Variants in PIWIL1 observed in about 807,000 individuals in gnomAD.
PIWIL1 encodes the protein piwi like RNA-mediated gene silencing 1.
PIWIL1 carries 73 observed loss-of-function variants against 114.4 expected under a neutral mutation model. That is an observed-to-expected ratio of 0.64 (90% CI 0.53 to 0.78). The LOEUF is 0.78. Among genes scored for constraint, PIWIL1 ranks in the 30% least tolerant of loss-of-function variants. The pLI is 0.00. For synonymous variants in PIWIL1, 375 were observed against 369.0 expected (o/e 1.02, Z -0.19); for missense variants, 723 against 1,063.1 (o/e 0.68, Z 4.45).
At chr12:130,357,172 T>A (rs1298977300) in intron 13 of PIWIL1, 67 bp downstream of exon 13, 3 of 1,264,174 alleles carry the variant, frequency 2.4e-6, no homozygotes, top group Non-Finnish European at 3.4e-6. Context: ...TGGGAACTAT[T>A]AAACATACAA....
At position 130,359,236 on chromosome 12, in the gene PIWIL1, G is replaced by A. The variant is rs138492476; in HGVS notation, c.1665+1683G>A. 1.2e-4 allele frequency among the ~76,000 whole-genome samples: 19 copies of A among 152,232 alleles called. 2 individuals are homozygous for A. The highest frequency in any genetic ancestry group is 5.2e-4 in the Admixed American group (8 of 15,294). On this transcript the variant is annotated intron_variant, in intron 14 of 20. Transcript: ENST00000245255. Reference sequence around the variant, plus strand: ...GCCAGACTCATTGTCAGGGAACTCCGGAGTTGTCCAAGTCTTAATCACATT... The same window carrying A: ...GCCAGACTCATTGTCAGGGAACTCCAGAGTTGTCCAAGTCTTAATCACATT...
At chr12:130,361,987 G>T (rs1205805289) in intron 16 of PIWIL1, among the ~76,000 whole-genome samples, 1 of 152,070 alleles carries the variant, frequency 6.6e-6, no homozygotes, top group Admixed American at 6.6e-5. Context: ...GCTTTTCTTG[G>T]AACTAAGGGA....
the PIWIL1 span, among the ~76,000 whole-genome samples, chr12:130,381,801 C>T: frequency 6.6e-6 from 1 of 152,214 alleles, no homozygotes; most frequent in Non-Finnish European, 1.5e-5. Flanking sequence ...TAATTCACGT[C>T]TTTCCCAGCG....
Position 130,361,282 on chromosome 12 carries a change from A to G in PIWIL1, c.1768A>G (p.Thr590Ala). The change falls in exon 15 of 21, where the codon ACC (threonine) becomes GCC (alanine). Residue 590 changes from threonine (T) to alanine (A), a missense_variant. By Grantham distance (58) the Thr-to-Ala change is moderately conservative. Coordinates refer to ENST00000245255, the MANE Select transcript of PIWIL1 (RefSeq NM_004764.5). ...PTPSQCVVAR[T>A]LGKQQTVMAI... The stretch of plus-strand genomic sequence containing the variant: ...CCCAAGTCAGTGTGTGGTGGCCCGA[A>G]CCTTAGGCAAACAGCAAACTGTCAT... 3.1e-6 allele frequency: 5 copies of G among 1,614,144 alleles called. No individual in the cohort carries two copies. Among genetic ancestry groups the G allele is most frequent in the Non-Finnish European group, 4.2e-6 (5 of 1,180,012 alleles).
At chr12:130,412,600 A>G in the PIWIL1 span, 1 of 1,610,644 alleles carries the variant, frequency 6.2e-7, no homozygotes, top group Non-Finnish European at 8.5e-7. Flanking sequence ...GGGAAGGTCG[A>G]ATAGGGGTTT....
At chr12:130,342,465 T>A (rs1305943849) in intron 1 of PIWIL1, 115 bp from the exon 2 acceptor site, 2 of 663,546 alleles carry the variant, frequency 3.0e-6, no homozygotes, top group Non-Finnish European at 5.4e-6. Flanking sequence ...GGATACATAA[T>A]AATTGCCTGG....
In PIWIL1 at chr12:130,371,568, G is replaced by T. The variant is rs747950090; in HGVS notation, c.2556G>T (p.Leu852=). 3.1e-6 allele frequency: 5 copies of T among 1,613,886 alleles called. No homozygotes were observed. The highest frequency in any genetic ancestry group is 3.4e-6 in the Non-Finnish European group (4 of 1,179,790). Residue 852 remains leucine (L), a synonymous_variant, in exon 21 of 21, where the codon CTG becomes CTT. Transcript: ENST00000245255. ...AGAGTATTCACAGAGAGCCAAATCT[G>T]TCACTGTCAAACCGCCTTTACTACC... The part of the protein sequence containing the change: ...VGQSIHREPN[L]SLSNRLYYL
chr12:130,354,335 C>T (rs1432453957), intron 9 of PIWIL1, among the ~76,000 whole-genome samples: 3 of 152,136 alleles, frequency 2.0e-5, no homozygotes, highest in Non-Finnish European at 4.4e-5. Context: ...AAAGATAGGG[C>T]ACTCAGTAGA....
intron 2 of PIWIL1, 71 bp from the exon 3 acceptor site, chr12:130,342,919 A>G: frequency 9.3e-7 from 1 of 1,077,640 alleles, no homozygotes; most frequent in Non-Finnish European, 1.4e-6. Flanking sequence ...CCTGAGACTT[A>G]AGACTAGAAA....
chr12:130,411,525 T>C, the PIWIL1 span, among the ~76,000 whole-genome samples: 5 of 150,260 alleles, frequency 3.3e-5, no homozygotes, highest in South Asian at 1.1e-3. Flanking sequence ...CTAGGTTCCC[T>C]TGGCCATCGA....
the PIWIL1 span, among the ~76,000 whole-genome samples, chr12:130,401,535 C>T: frequency 2.0e-5 from 3 of 151,820 alleles, no homozygotes; most frequent in East Asian, 1.9e-4. Flanking sequence ...TGCCCTGCCC[C>T]GCCCCACTCT....
Position 130,371,741 on chromosome 12 carries a change from A to G in PIWIL1, c.*143A>G. 1 of 497,530 alleles carries G rather than the reference A, an allele frequency of 2.0e-6. No homozygotes were observed. The highest frequency in any genetic ancestry group is 3.6e-6 in the Non-Finnish European group (1 of 278,890). 30.8% of individuals were successfully genotyped at this position (497,530 alleles called of 1,614,324 possible). ...GGAGATCTAGCATTTTATTTCTAGC[A>G]TTGCTATTCACCGGCTTCCTTATTT... On this transcript the variant is annotated 3_prime_UTR_variant, in exon 21 of 21. Transcript: ENST00000245255.
At chr12:130,409,332 C>CTTTT in the PIWIL1 span, among the ~76,000 whole-genome samples, 28 of 65,384 alleles carry the variant, frequency 4.3e-4, 2 homozygotes, top group Non-Finnish European at 6.1e-4. Context: ...CAAAATGTAG[C>CTTTT]TTTTTTTTTT....
the PIWIL1 span, chr12:130,407,697 C>T: frequency 1.6e-5 from 25 of 1,554,888 alleles, no homozygotes; most frequent in South Asian, 1.2e-4. Flanking sequence ...TGGTTGTGTC[C>T]GTCATGAAGT....
the PIWIL1 span, among the ~76,000 whole-genome samples, chr12:130,382,890 G>C: frequency 6.6e-6 from 1 of 152,212 alleles, no homozygotes; most frequent in African/African-American, 2.4e-5. Context: ...ACCAATTTTA[G>C]TAGTACAGTG....
the PIWIL1 span, among the ~76,000 whole-genome samples, chr12:130,385,396 A>G: frequency 1.3e-5 from 2 of 152,228 alleles, no homozygotes; most frequent in Non-Finnish European, 1.5e-5. Flanking sequence ...ACTTTGCTCC[A>G]GTTCATTTGC....
the PIWIL1 span, chr12:130,412,739 C>T: frequency 4.3e-6 from 7 of 1,613,988 alleles, no homozygotes; most frequent in Admixed American, 1.0e-4. Context: ...CCAAGCCGGG[C>T]ACAGGTTTCC....
At chr12:130,422,805 G>C in the PIWIL1 span, among the ~76,000 whole-genome samples, 1 of 152,166 alleles carries the variant, frequency 6.6e-6, no homozygotes, top group African/African-American at 2.4e-5. The surrounding 1 kb of genome is among the most constrained non-coding windows in gnomAD (Gnocchi z 5.2). Context: ...TTGTGGGGGG[G>C]TCTCTTTTGG....
chr12:130,424,675 C>A, the PIWIL1 span: 1 of 1,231,910 alleles, frequency 8.1e-7, no homozygotes, highest in Non-Finnish European at 1.0e-6. The surrounding 1 kb of genome is among the most constrained non-coding windows in gnomAD (Gnocchi z 9.8). Context: ...GGCCTGGGCT[C>A]TCTGGCCAGC....
Sources: allele counts gnomAD v4.1 joint callset (sites outside exome capture counted in the v4.1 genomes callset), GRCh38; gene constraint gnomAD v4.1.1; non-coding constraint Gnocchi (gnomAD v3.1); transcripts MANE v1.5; gene names NCBI Gene and HGNC (gene_info 2026-07-23, HGNC 2026-07-21).